The following ROBO2 variants were observed in gnomAD, a reference collection of about 807,000 sequenced individuals.
ROBO2 encodes the protein roundabout guidance receptor 2.
A neutral mutation model predicts 160.8 loss-of-function variants in ROBO2; 53 were observed. The observed-to-expected ratio is 0.33, with a 90% CI of 0.26 to 0.41. The LOEUF (loss-of-function observed/expected upper bound fraction) is 0.41. Ranked by LOEUF, ROBO2 falls within the 10% of genes least tolerant of loss-of-function variation. The probability of loss-of-function intolerance (pLI) is 1.00; values close to 1 mark genes in which losing one functional copy is unlikely to be tolerated. For missense variants in ROBO2, 1,577 were observed against 1,722.4 expected (o/e 0.92, Z 1.49); for synonymous variants, 664 against 611.7 (o/e 1.09, Z -1.26).
intron 9 of ROBO2, among the ~76,000 whole-genome samples, chr3:77,559,880 TA>T (rs2093264363): frequency 6.6e-6 from 1 of 152,062 alleles, no homozygotes; most frequent in Non-Finnish European, 1.5e-5. Context: ...AAGTTGAGTT[TA>T]AAAAAGTAAA....
intron 17 of ROBO2, among the ~76,000 whole-genome samples, chr3:77,593,767 G>A (rs1464956860): frequency 1.3e-5 from 2 of 152,106 alleles, no homozygotes; most frequent in Non-Finnish European, 2.9e-5. Context: ...GAACAGAGGA[G>A]TTATGGAGAG....
At position 76,974,190 on chromosome 3, in the gene ROBO2, C is replaced by A. The variant is rs139241314; in HGVS notation, c.110-123824C>A. On this transcript the variant is annotated intron_variant, in intron 2 of 26. Coordinates refer to the ROBO2 transcript ENST00000487694. The stretch of plus-strand genomic sequence containing the variant: ...AAATAGGAAAATTCTAATAAACCGC[C>A]TTGATAAACATTACATCTGAAAACA... Among the ~76,000 whole-genome samples the A allele has an allele frequency of 6.6e-5, 10 of 152,246 alleles. No homozygotes were observed. The East Asian group carries it at 1.7e-3, about 26-fold the overall frequency.
chr3:76,573,651 T>C (rs1294828070), intron 2 of ROBO2, among the ~76,000 whole-genome samples: 1 of 152,060 alleles, frequency 6.6e-6, no homozygotes, highest in African/African-American at 2.4e-5. Flanking sequence ...GAACCAGCAT[T>C]ATCATCCTGC....
intron 2 of ROBO2, among the ~76,000 whole-genome samples, chr3:76,893,771 T>A (rs1214504750): frequency 6.6e-6 from 1 of 152,082 alleles, no homozygotes; most frequent in Non-Finnish European, 1.5e-5. Flanking sequence ...TTATACCTTT[T>A]ATCTAACACT....
rs2153683537 is a variant in ROBO2 at position 77,588,685 on chromosome 3, A to G, written c.2501-66A>G. 3.4e-6 allele frequency: 5 copies of G among 1,449,640 alleles called. No homozygotes were observed. In the South Asian group the frequency reaches 5.9e-5, roughly 17 times the overall value. The allele number at this position is 1,449,640 out of a possible 1,614,324, so 89.8% of individuals were successfully genotyped here. A position where few individuals can be genotyped will look rare whatever the true frequency, so the allele number is the denominator to read the frequency against. ...AATAATTTTTCTTCATTTTTGATGC[A>G]CCATGTTTATATTCCTGTGCTTATT... is the stretch of plus-strand genomic sequence containing the variant. On this transcript the variant is annotated intron_variant, in intron 16 of 25. Transcript: ENST00000461745.
intron 2 of ROBO2, among the ~76,000 whole-genome samples, chr3:76,605,954 A>AG (rs2087619526): frequency 6.6e-6 from 1 of 152,108 alleles, no homozygotes; most frequent in Non-Finnish European, 1.5e-5. Flanking sequence ...AGGATGCGGT[A>AG]GACAGGACCC....
At chr3:77,195,149 C>A (rs991852234) in intron 2 of ROBO2, among the ~76,000 whole-genome samples, 4 of 152,098 alleles carry the variant, frequency 2.6e-5, no homozygotes. Context: ...GTAAATAGGA[C>A]GCTATACAGA....
intron 2 of ROBO2, among the ~76,000 whole-genome samples, chr3:77,266,081 A>T (rs1246003711): frequency 6.6e-6 from 1 of 152,202 alleles, no homozygotes; most frequent in African/African-American, 2.4e-5. Flanking sequence ...AAAGTACAAG[A>T]ACACACTGAG....
At chr3:76,778,470 A>C (rs1039024157) in intron 2 of ROBO2, among the ~76,000 whole-genome samples, 1 of 151,106 alleles carries the variant, frequency 6.6e-6, no homozygotes, top group Non-Finnish European at 1.5e-5. Context: ...GTTCTTGAGT[A>C]ATTTGAAGAG....
At chr3:77,178,990 A>T (rs2080427617) in intron 2 of ROBO2, among the ~76,000 whole-genome samples, 1 of 152,000 alleles carries the variant, frequency 6.6e-6, no homozygotes, top group Admixed American at 6.6e-5. Context: ...GTTCATTTTG[A>T]TGTATTTAGT....
chr3:77,394,491 A>G (rs2075075478), intron 2 of ROBO2, among the ~76,000 whole-genome samples: 1 of 152,218 alleles, frequency 6.6e-6, no homozygotes. Context: ...ACTGTTAAGA[A>G]GAAAGCAGAG....
At chr3:76,411,464 G>A (rs1249888562) in intron 2 of ROBO2, among the ~76,000 whole-genome samples, 1 of 152,168 alleles carries the variant, frequency 6.6e-6, no homozygotes, top group Non-Finnish European at 1.5e-5. Context: ...AGGAGATCTT[G>A]TGGTATTATC....
chr3:77,156,598 T>A (rs1349353529), intron 2 of ROBO2, among the ~76,000 whole-genome samples: 2 of 151,972 alleles, frequency 1.3e-5, no homozygotes, highest in Non-Finnish European at 2.9e-5. Context: ...CAGTTGTGTA[T>A]GTGAAATAAA....
At chr3:76,628,778 A>G (rs1307139545) in intron 2 of ROBO2, among the ~76,000 whole-genome samples, 2 of 152,124 alleles carry the variant, frequency 1.3e-5, no homozygotes, top group East Asian at 3.9e-4. Flanking sequence ...TGTTTTTGCC[A>G]TTGTTCATCT....
Position 76,587,563 on chromosome 3 carries a change from A to G in ROBO2, c.110-510451A>G, listed in dbSNP as rs538326108. Among the ~76,000 whole-genome samples, 20 of 152,242 alleles carry G rather than the reference A, an allele frequency of 1.3e-4. No individual in the cohort carries two copies. The South Asian group carries it at 3.3e-3, about 25-fold the overall frequency. On this transcript the variant is annotated intron_variant, in intron 2 of 26. Transcript: ENST00000487694. Reference sequence around the variant, plus strand: ...AACAGTCAGATCTCCTGAGAACTCAATCATTATCACGAGAACAGAATGAGG... The same window carrying G: ...AACAGTCAGATCTCCTGAGAACTCAGTCATTATCACGAGAACAGAATGAGG...
intron 1 of ROBO2, among the ~76,000 whole-genome samples, chr3:75,931,631 C>T (rs1355192516): frequency 6.6e-6 from 1 of 152,138 alleles, no homozygotes; most frequent in Non-Finnish European, 1.5e-5. Context: ...GGATTACAGG[C>T]ATAAGCCACC....
In ROBO2 at chr3:77,396,003, A is replaced by G. The variant is rs1409366121; in HGVS notation, c.389-81411A>G. Among the ~76,000 whole-genome samples, 3 of 151,304 alleles carry G rather than the reference A, an allele frequency of 2.0e-5. No individual in the cohort carries two copies. The South Asian group carries it at 6.2e-4, about 31-fold the overall frequency. On this transcript the variant is annotated intron_variant, in intron 2 of 25. Coordinates refer to ENST00000461745, the Ensembl canonical transcript of ROBO2. ...GTTCTGCAATAACTTAATCTTTTTG[A>G]TATCCAAATAACCAATAAAATTATA...
chr3:76,087,242 G>A (rs2069049966), intron 2 of ROBO2, among the ~76,000 whole-genome samples: 1 of 151,490 alleles, frequency 6.6e-6, no homozygotes, highest in African/African-American at 2.4e-5. Flanking sequence ...AAAATGAAAG[G>A]CAAAGAAAAA....
chr3:75,955,693 A>G (rs1183968630), intron 2 of ROBO2, among the ~76,000 whole-genome samples: 1 of 151,630 alleles, frequency 6.6e-6, no homozygotes, highest in African/African-American at 2.4e-5. Flanking sequence ...TGCTCTATAC[A>G]CTTCATTGCC....
Sources: allele counts gnomAD v4.1 joint callset (sites outside exome capture counted in the v4.1 genomes callset), GRCh38; gene constraint gnomAD v4.1.1; transcripts MANE v1.5; gene names NCBI Gene and HGNC (gene_info 2026-07-23, HGNC 2026-07-21).